CHCHD3: variants seen among roughly 807,000 people sequenced by gnomAD.
The protein encoded by CHCHD3 is MICOS complex subunit MIC19.
Under a neutral mutation model 38.2 loss-of-function variants are expected in CHCHD3, and 20 were observed. The observed-to-expected ratio is 0.52, with a 90% CI of 0.37 to 0.76. The LOEUF (loss-of-function observed/expected upper bound fraction) is 0.76, where lower values mean the gene tolerates loss of function less well. Among genes scored for constraint, CHCHD3 ranks in the 30% least tolerant of loss-of-function variants. The probability of loss-of-function intolerance (pLI) is 0.00; values close to 1 mark genes in which losing one functional copy is unlikely to be tolerated. For missense variants in CHCHD3, 245 were observed against 279.2 expected (o/e 0.88, Z 0.87); for synonymous variants, 82 against 100.0 (o/e 0.82, Z 1.07).
intron 4 of CHCHD3, among the ~76,000 whole-genome samples, chr7:132,929,370 C>T (rs1810463070): frequency 6.6e-6 from 1 of 152,072 alleles, no homozygotes; most frequent in Non-Finnish European, 1.5e-5. Context: ...TTGCAGATGG[C>T]TCCTGCATAG....
chr7:132,816,484 T>C (rs1807202931), intron 6 of CHCHD3, among the ~76,000 whole-genome samples: 2 of 152,224 alleles, frequency 1.3e-5, no homozygotes, highest in Non-Finnish European at 2.9e-5. Flanking sequence ...ACCTTCCCCA[T>C]ATATTAACCC....
intron 5 of CHCHD3, among the ~76,000 whole-genome samples, chr7:132,846,288 G>C (rs1359575470): frequency 6.6e-6 from 1 of 152,198 alleles, no homozygotes; most frequent in Non-Finnish European, 1.5e-5. Flanking sequence ...AATCACCCCA[G>C]GCTAGCCTGC....
At chr7:132,902,782 C>A (rs895746429) in intron 4 of CHCHD3, among the ~76,000 whole-genome samples, 1 of 151,954 alleles carries the variant, frequency 6.6e-6, no homozygotes, top group African/African-American at 2.4e-5. Flanking sequence ...CAAACCTACA[C>A]GTTGTGCACA....
intron 3 of CHCHD3, among the ~76,000 whole-genome samples, chr7:133,001,423 C>CA (rs1350145210): frequency 6.6e-6 from 1 of 151,998 alleles, no homozygotes; most frequent in Admixed American, 6.6e-5. Flanking sequence ...TCTGAACAAG[C>CA]AAAAAAGCAA....
At chr7:132,917,816 G>A (rs972627083) in intron 4 of CHCHD3, among the ~76,000 whole-genome samples, 6 of 122,108 alleles carry the variant, frequency 4.9e-5, no homozygotes, top group East Asian at 2.6e-4. Context: ...CAAAGATCGC[G>A]CCACTGCCCT....
chr7:132,917,030 A>G (rs1161396235), intron 4 of CHCHD3, among the ~76,000 whole-genome samples: 1 of 152,232 alleles, frequency 6.6e-6, no homozygotes, highest in Admixed American at 6.5e-5. Context: ...AGATTACTGC[A>G]TTTATAATAA....
intron 6 of CHCHD3, among the ~76,000 whole-genome samples, chr7:132,825,261 C>T (rs942776364): frequency 5.9e-5 from 9 of 152,142 alleles, no homozygotes; most frequent in African/African-American, 1.9e-4. Context: ...TAGATATATG[C>T]CATTGAGCTC....
chr7:132,959,780 C>G (rs1811267623), intron 4 of CHCHD3, among the ~76,000 whole-genome samples: 1 of 150,230 alleles, frequency 6.7e-6, no homozygotes, highest in South Asian at 2.1e-4. Context: ...CATGGGTTTA[C>G]AGCTGGCATA....
intron 4 of CHCHD3, among the ~76,000 whole-genome samples, chr7:132,966,140 T>C (rs945446035): frequency 2.0e-5 from 3 of 152,206 alleles, no homozygotes; most frequent in African/African-American, 7.2e-5. Context: ...AAATGATGAA[T>C]GGGCTAAATG....
chr7:132,897,564 T>G (rs1209526423), intron 4 of CHCHD3, among the ~76,000 whole-genome samples: 1 of 152,214 alleles, frequency 6.6e-6, no homozygotes, highest in Non-Finnish European at 1.5e-5. Context: ...AGAGAATTGG[T>G]TCTGGGACTC....
At chr7:132,938,773 A>C (rs1034749758) in intron 4 of CHCHD3, among the ~76,000 whole-genome samples, 2 of 152,166 alleles carry the variant, frequency 1.3e-5, no homozygotes, top group Admixed American at 1.3e-4. Context: ...GAAGGTTCCC[A>C]GGACGTTTAG....
chr7:133,038,126 G>A (rs1344465481), intron 2 of CHCHD3, among the ~76,000 whole-genome samples: 1 of 152,158 alleles, frequency 6.6e-6, no homozygotes, highest in Admixed American at 6.5e-5. Flanking sequence ...GTATCTAAAA[G>A]TAGGTAGCAC....
intron 7 of CHCHD3, among the ~76,000 whole-genome samples, chr7:132,794,121 G>A (rs1471541207): frequency 1.3e-5 from 2 of 152,206 alleles, no homozygotes; most frequent in Non-Finnish European, 2.9e-5. Flanking sequence ...CCCCATGTGT[G>A]ACCTTCAGAC....
At chr7:132,859,744 T>G (rs1412095715) in intron 5 of CHCHD3, among the ~76,000 whole-genome samples, 1 of 152,180 alleles carries the variant, frequency 6.6e-6, no homozygotes, top group Non-Finnish European at 1.5e-5. Flanking sequence ...TTGTCTTCCC[T>G]TAAGAAGTAA....
chr7:132,926,090 C>T (rs1263833303), intron 4 of CHCHD3, among the ~76,000 whole-genome samples: 4 of 152,180 alleles, frequency 2.6e-5, no homozygotes, highest in Non-Finnish European at 4.4e-5. Flanking sequence ...CAAGCCACTA[C>T]GGAGTTTCTT....
chr7:132,822,774 G>A (rs552073281), intron 6 of CHCHD3, among the ~76,000 whole-genome samples: 13 of 151,996 alleles, frequency 8.6e-5, no homozygotes, highest in Admixed American at 2.0e-4. Flanking sequence ...AGTTTGTTTC[G>A]CTGCAGCCTT....
chr7:132,899,581 A>G (rs1188745793), intron 4 of CHCHD3, among the ~76,000 whole-genome samples: 1 of 152,246 alleles, frequency 6.6e-6, no homozygotes, highest in Non-Finnish European at 1.5e-5. Context: ...ATGTGTTTGT[A>G]TGTATCAGTT....
rs1814393500 is a variant in CHCHD3, at chr7:133,058,072, T to C, written c.169+12070A>G. Among the ~76,000 whole-genome samples, 3 of 152,182 alleles carry C rather than the reference T, an allele frequency of 2.0e-5. No homozygotes were observed. In the South Asian group the frequency reaches 6.2e-4, roughly 32 times the overall value. On this transcript the variant is annotated intron_variant, in intron 2 of 7. Coordinates refer to ENST00000262570, the MANE Select transcript of CHCHD3 (RefSeq NM_017812.4). ...GTTATTAAGAAAAATTAAAGAAACA[T>C]ATTGTGCTCAATGAGTATCTTTGCT...
intron 3 of CHCHD3, among the ~76,000 whole-genome samples, chr7:133,003,682 T>A (rs1360506246): frequency 6.6e-6 from 1 of 152,204 alleles, no homozygotes; most frequent in Non-Finnish European, 1.5e-5. Context: ...TGTTTTACAC[T>A]TGCCGAGGCC....
Sources: allele counts gnomAD v4.1 joint callset (sites outside exome capture counted in the v4.1 genomes callset), GRCh38; gene constraint gnomAD v4.1.1; transcripts MANE v1.5; gene names NCBI Gene and HGNC (gene_info 2026-07-23, HGNC 2026-07-21).